Variants in ATL2 observed in about 807,000 individuals in gnomAD.
The protein encoded by ATL2 is atlastin GTPase 2, also known as atlastin-2.
Under a neutral mutation model 73.9 loss-of-function variants are expected in ATL2, and 31 were observed. The ratio of observed to expected loss-of-function variants is 0.42; its 90% CI spans 0.32 to 0.57. ATL2 has a LOEUF of 0.57. ATL2 is among the 20% of genes least tolerant of loss of function. The pLI, the probability that ATL2 is intolerant of heterozygous loss-of-function variation, is 0.14. For synonymous variants in ATL2, 291 were observed against 237.5 expected (o/e 1.23, Z -2.07); for missense variants, 738 against 702.6 (o/e 1.05, Z -0.57).
intron 1 of ATL2, among the ~76,000 whole-genome samples, chr2:38,350,703 T>C (rs1308184896): frequency 1.3e-5 from 2 of 151,766 alleles, no homozygotes; most frequent in Non-Finnish European, 2.9e-5. Context: ...GTATATGGAG[T>C]GGCAGGGAGT....
intron 1 of ATL2, among the ~76,000 whole-genome samples, chr2:38,349,143 T>C (rs1404486230): frequency 6.6e-6 from 1 of 152,022 alleles, no homozygotes; most frequent in South Asian, 2.1e-4. Flanking sequence ...GAACTAGAAA[T>C]ACCATTTGAC....
chr2:38,325,121 TAA>T (rs1668523516), intron 2 of ATL2, among the ~76,000 whole-genome samples: 1 of 152,238 alleles, frequency 6.6e-6, no homozygotes, highest in Non-Finnish European at 1.5e-5. Flanking sequence ...GTCTTGTAAT[TAA>T]ACTGAGATTT....
chr2:38,343,871 AAG>A (rs1016694295), intron 1 of ATL2, among the ~76,000 whole-genome samples: 1 of 152,146 alleles, frequency 6.6e-6, no homozygotes, highest in African/African-American at 2.4e-5. Flanking sequence ...ATGATTTTAT[AAG>A]AGGTTTCCCT....
intron 1 of ATL2, among the ~76,000 whole-genome samples, chr2:38,373,941 G>A (rs532699038): frequency 6.6e-6 from 1 of 152,252 alleles, no homozygotes; most frequent in African/African-American, 2.4e-5. Flanking sequence ...GCCCAGGCTG[G>A]AGTGCAATGG....
At chr2:38,356,282 G>A (rs967982312) in intron 1 of ATL2, among the ~76,000 whole-genome samples, 5 of 151,296 alleles carry the variant, frequency 3.3e-5, no homozygotes, top group African/African-American at 1.2e-4. Flanking sequence ...GCAATGGTGC[G>A]ATCTCGGCTC....
chr2:38,367,805 G>A (rs1229236136), intron 1 of ATL2, among the ~76,000 whole-genome samples: 1 of 149,742 alleles, frequency 6.7e-6, no homozygotes, highest in African/African-American at 2.5e-5. Flanking sequence ...GCTAATTTTT[G>A]TATTTTTAGT....
At chr2:38,361,398 A>C (rs1671009812) in intron 1 of ATL2, among the ~76,000 whole-genome samples, 1 of 151,986 alleles carries the variant, frequency 6.6e-6, no homozygotes, top group African/African-American at 2.4e-5. Flanking sequence ...CAAGCTACAA[A>C]ATACAGTCTG....
chr2:38,316,325 T>C (rs1668021968), intron 4 of ATL2, among the ~76,000 whole-genome samples: 1 of 152,212 alleles, frequency 6.6e-6, no homozygotes, highest in African/African-American at 2.4e-5. Context: ...CCTGACACCA[T>C]GACCAACCTA....
chr2:38,304,695 T>G (rs1667358191), intron 9 of ATL2, among the ~76,000 whole-genome samples: 1 of 152,234 alleles, frequency 6.6e-6, no homozygotes, highest in Non-Finnish European at 1.5e-5. Flanking sequence ...TCTCTTTCCT[T>G]GTTATTTAGT....
intron 2 of ATL2, among the ~76,000 whole-genome samples, chr2:38,330,277 AT>A (rs1034623577): frequency 2.0e-5 from 3 of 151,996 alleles, no homozygotes; most frequent in African/African-American, 7.2e-5. Context: ...TTAAAAAAAA[AT>A]CTACAAAAAA....
At chr2:38,302,298 G>A (rs1667230648) in intron 9 of ATL2, among the ~76,000 whole-genome samples, 1 of 151,900 alleles carries the variant, frequency 6.6e-6, no homozygotes, top group East Asian at 1.9e-4. Context: ...TCCTGCTTGA[G>A]TAAAGGAGAC....
At chr2:38,365,960 G>GT (rs749844176) in intron 1 of ATL2, among the ~76,000 whole-genome samples, 16 of 120,816 alleles carry the variant, frequency 1.3e-4, no homozygotes, top group Admixed American at 2.3e-4. Flanking sequence ...AAAAAAAGAG[G>GT]TAAGTATTCA....
chr2:38,344,055 C>T (rs796959477), intron 1 of ATL2, among the ~76,000 whole-genome samples: 4 of 152,190 alleles, frequency 2.6e-5, no homozygotes, highest in African/African-American at 9.6e-5. Context: ...GACTCATACA[C>T]CATTATACAT....
intron 9 of ATL2, among the ~76,000 whole-genome samples, chr2:38,306,089 A>T (rs965192522): frequency 2.0e-5 from 3 of 152,230 alleles, no homozygotes. Flanking sequence ...AGAAATCCAA[A>T]GGATCATTAG....
chr2:38,321,456 C>A (rs746340952), intron 2 of ATL2, among the ~76,000 whole-genome samples: 1 of 152,148 alleles, frequency 6.6e-6, no homozygotes, highest in African/African-American at 2.4e-5. Flanking sequence ...AGGCACCCTT[C>A]ACAGGAATCA....
chr2:38,331,624 A>C (rs1267087669), intron 2 of ATL2, among the ~76,000 whole-genome samples: 2 of 151,232 alleles, frequency 1.3e-5, no homozygotes, highest in African/African-American at 2.4e-5. Context: ...AAAAAAAAAA[A>C]AAAAAAATAG....
chr2:38,301,212 C>A (rs1170538085), intron 9 of ATL2, among the ~76,000 whole-genome samples: 1 of 152,112 alleles, frequency 6.6e-6, no homozygotes, highest in Non-Finnish European at 1.5e-5. Context: ...TCAGGTGATT[C>A]GCCCACTTTA....
chr2:38,376,344 G>C (rs1021275163), intron 1 of ATL2: 1 of 980,270 alleles, frequency 1.0e-6, no homozygotes, highest in Non-Finnish European at 1.4e-6. Context: ...CGTACAGTAG[G>C]AGCTCACATT....
intron 2 of ATL2, among the ~76,000 whole-genome samples, chr2:38,337,830 A>C (rs989857364): frequency 7.2e-5 from 11 of 152,134 alleles, no homozygotes; most frequent in African/African-American, 2.7e-4. Flanking sequence ...TTTTACAAAG[A>C]AAAAACAGGA....
Sources: gnomAD v4.1 joint callset for allele counts (sites outside exome capture counted in the v4.1 genomes callset) on GRCh38, gnomAD v4.1.1 for gene constraint, MANE v1.5 for transcripts, NCBI Gene and HGNC (gene_info 2026-07-23, HGNC 2026-07-21) for gene names.